Variants in FLT1 observed in about 807,000 individuals in gnomAD.
FLT1 encodes the protein vascular endothelial growth factor receptor 1.
Under a neutral mutation model 156.3 loss-of-function variants are expected in FLT1, and 49 were observed. The observed-to-expected ratio is 0.31, with a 90% confidence interval of 0.25 to 0.40. The LOEUF (loss-of-function observed/expected upper bound fraction) is 0.40, where lower values mean the gene tolerates loss of function less well. Among genes scored for constraint, FLT1 ranks in the 10% least tolerant of loss-of-function variants. FLT1 has a pLI of 1.00. For synonymous variants in FLT1, 594 were observed against 583.8 expected (o/e 1.02, Z -0.25); for missense variants, 1,322 against 1,637.2 (o/e 0.81, Z 3.32).
At chr13:28,391,058 T>C (rs1874683379) in intron 12 of FLT1, among the ~76,000 whole-genome samples, 1 of 152,322 alleles carries the variant, frequency 6.6e-6, no homozygotes, top group East Asian at 1.9e-4. Flanking sequence ...GGGATGGTTC[T>C]ATTCAGACCT....
intron 10 of FLT1, among the ~76,000 whole-genome samples, chr13:28,423,973 G>A (rs150885903): frequency 1.6e-3 from 241 of 151,334 alleles, no homozygotes; most frequent in East Asian, 8.9e-3. Flanking sequence ...TTTCTGAAGC[G>A]GAGTTTCGCT....
chr13:28,319,685 T>C (rs1441621919), intron 23 of FLT1, 151 bp from the exon 24 acceptor site: 4 of 658,018 alleles, frequency 6.1e-6, no homozygotes, highest in African/African-American at 3.6e-5. Context: ...AACACCATAG[T>C]ATGCAGTGTT....
At chr13:28,343,239 TC>T (rs1173541777) in intron 16 of FLT1, among the ~76,000 whole-genome samples, 1 of 151,478 alleles carries the variant, frequency 6.6e-6, no homozygotes, top group Non-Finnish European at 1.5e-5. Context: ...CACCTCAGCC[TC>T]CCAAAGTGTT....
chr13:28,305,106 T>C (rs752089460), intron 29 of FLT1, among the ~76,000 whole-genome samples: 4 of 152,238 alleles, frequency 2.6e-5, no homozygotes, highest in Non-Finnish European at 5.9e-5. Context: ...ACAGCTAAAC[T>C]GTTTTCCAAA....
Position 28,326,520 on chromosome 13 carries a change from C to CTT in FLT1, c.2796+940_2796+941dup, listed in dbSNP as rs58719749. On this transcript the variant is annotated intron_variant, in intron 20 of 29. Coordinates refer to ENST00000282397, the MANE Select transcript of FLT1 (RefSeq NM_002019.4). ...CCTCCATTCAATAATCTCTCTCTCT[C>CTT]TTTTTTTTTTTTTTTTTTTTTTTGA... Among the ~76,000 whole-genome samples the CTT allele has an allele frequency of 9.2e-3, 739 of 79,992 alleles. 21 individuals carry two copies. Among genetic ancestry groups the CTT allele is most frequent in the African/African-American group, 0.029 (616 of 20,996 alleles). 52.5% of individuals were successfully genotyped at this position (79,992 alleles called of 152,430 possible).
At chr13:28,364,344 T>C (rs1452736399) in intron 14 of FLT1, among the ~76,000 whole-genome samples, 2 of 152,196 alleles carry the variant, frequency 1.3e-5, no homozygotes, top group African/African-American at 4.8e-5. Flanking sequence ...TCCTGAGTAG[T>C]TGGGATTATA....
At chr13:28,409,587 A>T (rs1876024023) in intron 10 of FLT1, among the ~76,000 whole-genome samples, 1 of 152,070 alleles carries the variant, frequency 6.6e-6, no homozygotes. Flanking sequence ...TGCCTGCCTC[A>T]GCCTCCCAAG....
chr13:28,319,672 G>C, intron 23 of FLT1, 138 bp from the exon 24 acceptor site: 1 of 676,814 alleles, frequency 1.5e-6, no homozygotes. Flanking sequence ...TCCTAACATA[G>C]AGAACACCAT....
At chr13:28,449,520 T>C (rs1878804040) in intron 3 of FLT1, among the ~76,000 whole-genome samples, 1 of 152,168 alleles carries the variant, frequency 6.6e-6, no homozygotes, top group African/African-American at 2.4e-5. Flanking sequence ...GGTGGATTCA[T>C]ATACAAATTC....
chr13:28,311,941 C>T (rs1871024131), intron 26 of FLT1, 52 bp downstream of exon 26: 4 of 1,275,000 alleles, frequency 3.1e-6, no homozygotes, highest in Non-Finnish European at 4.5e-6. Flanking sequence ...AAATAAAATG[C>T]CCCCCTGACG....
chr13:28,405,921 G>A (rs1431005104), intron 10 of FLT1, 27 bp from the exon 11 acceptor site: 1 of 1,228,126 alleles, frequency 8.1e-7, no homozygotes, highest in East Asian at 2.3e-5. Context: ...TTGTCACAAT[G>A]TGGCTTTACA....
chr13:28,384,279 C>A (rs901694207), intron 14 of FLT1, among the ~76,000 whole-genome samples: 74 of 151,738 alleles, frequency 4.9e-4, no homozygotes, highest in African/African-American at 1.6e-3. Context: ...ATTAAAAATA[C>A]AAAAATTAGC....
At chr13:28,402,872 C>T (rs1875541150) in intron 11 of FLT1, among the ~76,000 whole-genome samples, 1 of 152,154 alleles carries the variant, frequency 6.6e-6, no homozygotes, top group Admixed American at 6.5e-5. Context: ...TCACTGCAAC[C>T]TCCACCTCCT....
intron 15 of FLT1, among the ~76,000 whole-genome samples, chr13:28,346,811 G>T (rs1872583981): frequency 6.6e-6 from 1 of 152,176 alleles, no homozygotes; most frequent in Admixed American, 6.5e-5. Flanking sequence ...TAATGATGTG[G>T]ATGAGGATCT....
chr13:28,470,620 C>T (rs554262247), intron 1 of FLT1, among the ~76,000 whole-genome samples: 1 of 152,158 alleles, frequency 6.6e-6, no homozygotes, highest in African/African-American at 2.4e-5. Flanking sequence ...GTACTCCTGA[C>T]CCTCATCAGA....
chr13:28,493,537 G>A (rs966935052), intron 1 of FLT1, among the ~76,000 whole-genome samples: 2 of 151,950 alleles, frequency 1.3e-5, no homozygotes, highest in African/African-American at 4.8e-5. Context: ...TGTTGTTGTT[G>A]TACTACGCTC....
At chr13:28,355,615 G>A (rs1872871293) in intron 15 of FLT1, among the ~76,000 whole-genome samples, 1 of 152,206 alleles carries the variant, frequency 6.6e-6, no homozygotes, top group Non-Finnish European at 1.5e-5. Flanking sequence ...GGCCTGAGAG[G>A]ATAAGAAGGA....
At chr13:28,397,697 T>A (rs1875136541) in intron 11 of FLT1, among the ~76,000 whole-genome samples, 1 of 152,050 alleles carries the variant, frequency 6.6e-6, no homozygotes. Flanking sequence ...TGAAACTTTT[T>A]TTCTATGCTC....
intron 16 of FLT1, among the ~76,000 whole-genome samples, chr13:28,342,628 C>T (rs1268596238): frequency 2.6e-5 from 4 of 152,134 alleles, no homozygotes; most frequent in Non-Finnish European, 4.4e-5. Flanking sequence ...TTGTTAATAT[C>T]AAATCTAAGG....
Sources: allele counts gnomAD v4.1 joint callset (sites outside exome capture counted in the v4.1 genomes callset), GRCh38; gene constraint gnomAD v4.1.1; transcripts MANE v1.5; gene names NCBI Gene and HGNC (gene_info 2026-07-23, HGNC 2026-07-21).